Variants in ARHGAP32 observed in about 807,000 individuals in gnomAD.
The protein encoded by ARHGAP32 is rho GTPase-activating protein 32.
ARHGAP32 carries 51 observed loss-of-function variants against 186.5 expected under a neutral mutation model. That is an observed-to-expected ratio of 0.27 (90% CI 0.22 to 0.35). The LOEUF (loss-of-function observed/expected upper bound fraction) is 0.35. ARHGAP32 is among the 10% of genes least tolerant of loss of function. The pLI, the probability that ARHGAP32 is intolerant of heterozygous loss-of-function variation, is 1.00. For synonymous variants in ARHGAP32, 950 were observed against 964.3 expected, an observed-to-expected ratio of 0.99 and a Z score of 0.27; for missense variants, 2,186 against 2,623.5, an observed-to-expected ratio of 0.83 and a Z score of 3.64.
Position 128,970,461 on chromosome 11 carries a change from G to A in ARHGAP32, c.4752C>T (p.Tyr1584=). 4 of 1,614,186 alleles carry A rather than the reference G, an allele frequency of 2.5e-6. No homozygotes were observed. Among genetic ancestry groups the A allele is most frequent in the Non-Finnish European group, 3.4e-6 (4 of 1,180,038 alleles). ...TAGGGTACGGTGGAATGTCTTCGGG[G>A]TAACAGGTATTCCTGACAGAGGAGC... is the stretch of plus-strand genomic sequence containing the variant. The part of the protein sequence containing the change: ...SLSSSVRNTC[Y]PEDIPPYPTI... The change falls in exon 23 of 23, where the codon TAC becomes TAT. Residue 1584 remains tyrosine (Y), a synonymous_variant. Transcript: ENST00000682385. The surrounding 1 kb of genome is among the most constrained non-coding windows in gnomAD (Gnocchi z 5.8).
At chr11:129,058,386 TTA>T (rs1394196604) in intron 10 of ARHGAP32, among the ~76,000 whole-genome samples, 1 of 152,170 alleles carries the variant, frequency 6.6e-6, no homozygotes, top group Non-Finnish European at 1.5e-5. Context: ...TAGAGAAATT[TTA>T]TAACTCTAGA....
intron 1 of ARHGAP32, among the ~76,000 whole-genome samples, chr11:129,238,532 T>A (rs1367125932): frequency 1.3e-5 from 2 of 152,142 alleles, no homozygotes; most frequent in Non-Finnish European, 2.9e-5. Context: ...TCTTATACAC[T>A]TAAGATTATT....
intron 2 of ARHGAP32, among the ~76,000 whole-genome samples, chr11:129,141,463 G>A (rs1943050813): frequency 6.6e-6 from 1 of 151,946 alleles, no homozygotes; most frequent in African/African-American, 2.4e-5. Flanking sequence ...CAGACACCGG[G>A]GCCTGTCATG....
At chr11:129,155,348 A>G (rs1943377225) in intron 2 of ARHGAP32, among the ~76,000 whole-genome samples, 2 of 152,252 alleles carry the variant, frequency 1.3e-5, no homozygotes, top group South Asian at 4.1e-4. Context: ...TTTGAGTGTC[A>G]TACTTTTAAG....
intron 5 of ARHGAP32, among the ~76,000 whole-genome samples, chr11:129,108,271 A>G (rs1942105424): frequency 6.6e-6 from 1 of 152,194 alleles, no homozygotes. Context: ...CTTTAGAGCC[A>G]AAGATACAAA....
chr11:128,973,746 C>T, intron 21 of ARHGAP32: 3 of 527,040 alleles, frequency 5.7e-6, no homozygotes, highest in Non-Finnish European at 6.7e-6. Flanking sequence ...TGCTTGTAGA[C>T]TGTTATTATG....
chr11:129,120,109 A>T (rs920507947), intron 5 of ARHGAP32, among the ~76,000 whole-genome samples: 3 of 152,092 alleles, frequency 2.0e-5, no homozygotes, highest in Admixed American at 6.6e-5. Flanking sequence ...TCCCCAAAAG[A>T]CAATGCTTTA....
At chr11:129,232,179 G>C (rs997856322) in intron 1 of ARHGAP32, among the ~76,000 whole-genome samples, 1 of 152,008 alleles carries the variant, frequency 6.6e-6, no homozygotes, top group Non-Finnish European at 1.5e-5. Context: ...CATAGAGTTT[G>C]AGAACCACAC....
chr11:129,124,844 C>A lies in ARHGAP32; in HGVS notation c.276G>T (p.Thr92=), dbSNP rs76444326. 2.5e-6 allele frequency: 4 copies of A among 1,611,010 alleles called. No homozygotes were observed. Among genetic ancestry groups the A allele is most frequent in the Non-Finnish European group, 3.4e-6 (4 of 1,178,562 alleles). ...PEIPGDLTLK[T]CGSTASMKVK... is the part of the protein sequence containing the mutation. ...CCTTCATACTGGCTGTACTGCCACACGTCTTAAGAGTAAGATCTCCAGGAA... is the reference window on the plus strand; with the variant it reads ...CCTTCATACTGGCTGTACTGCCACAAGTCTTAAGAGTAAGATCTCCAGGAA... The change falls in exon 3 of 23, where the codon ACG becomes ACT. Residue 92 remains threonine (T), a synonymous_variant. Coordinates refer to ENST00000682385, the MANE Select transcript of ARHGAP32 (RefSeq NM_001378024.1).
chr11:129,155,687 A>T (rs1355092206), intron 2 of ARHGAP32, among the ~76,000 whole-genome samples: 1 of 150,406 alleles, frequency 6.6e-6, no homozygotes, highest in East Asian at 1.9e-4. Context: ...TTGCAGCAGT[A>T]AAAGAAATGT....
At chr11:129,042,547 AT>A (rs552321654) in intron 10 of ARHGAP32, among the ~76,000 whole-genome samples, 33 of 151,144 alleles carry the variant, frequency 2.2e-4, no homozygotes, top group African/African-American at 9.7e-5. Context: ...AAAAATCTTC[AT>A]TTTTTTTTCT....
chr11:129,054,753 C>G (rs1940184506), intron 10 of ARHGAP32, among the ~76,000 whole-genome samples: 1 of 152,054 alleles, frequency 6.6e-6, no homozygotes, highest in Non-Finnish European at 1.5e-5. Flanking sequence ...ATACCTCAGA[C>G]AACAAAGATG....
intron 6 of ARHGAP32, among the ~76,000 whole-genome samples, chr11:129,077,012 G>A (rs966750823): frequency 1.3e-5 from 2 of 152,194 alleles, no homozygotes; most frequent in Non-Finnish European, 2.9e-5. Context: ...GATCATGGAA[G>A]AAAGATTTAA....
intron 2 of ARHGAP32, chr11:129,126,047 C>T (rs1402862138): frequency 2.3e-6 from 1 of 437,152 alleles, no homozygotes; most frequent in Non-Finnish European, 4.5e-6. Context: ...CTTCATAATC[C>T]TAGGTATTAT....
chr11:129,095,510 TGA>T lies in ARHGAP32; in HGVS notation c.445-1805_445-1804del, dbSNP rs34664421. 7.4e-3 allele frequency among the ~76,000 whole-genome samples: 1,124 copies of T among 152,222 alleles called. 12 individuals are homozygous for T. Among genetic ancestry groups the T allele is most frequent in the African/African-American group, 0.026 (1,059 of 41,506 alleles). ...CAAGGCTGCAGGAGAGGAAGAGAAC[TGA>T]GAGAATGAACCTGTGAAGTATGGGA... On this transcript the variant is annotated intron_variant, in intron 5 of 22. Coordinates refer to ENST00000682385, the MANE Select transcript of ARHGAP32 (RefSeq NM_001378024.1).
intron 10 of ARHGAP32, among the ~76,000 whole-genome samples, chr11:129,055,285 A>T (rs762978755): frequency 1.3e-5 from 2 of 152,180 alleles, no homozygotes; most frequent in African/African-American, 4.8e-5. Flanking sequence ...GCAATTATCA[A>T]ATGTTGGTGA....
chr11:129,147,525 T>C (rs1943191109), intron 2 of ARHGAP32, among the ~76,000 whole-genome samples: 1 of 152,186 alleles, frequency 6.6e-6, no homozygotes, highest in South Asian at 2.1e-4. Context: ...CATAGGCGTA[T>C]GGGATTTTGT....
At chr11:129,008,998 A>T (rs1937935261) in intron 11 of ARHGAP32, among the ~76,000 whole-genome samples, 1 of 152,226 alleles carries the variant, frequency 6.6e-6, no homozygotes, top group Non-Finnish European at 1.5e-5. Flanking sequence ...ATTTTTAGAC[A>T]TCTTCCATAT....
chr11:129,164,557 T>G, intron 1 of ARHGAP32, 130 bp from the exon 2 acceptor site: 1 of 592,044 alleles, frequency 1.7e-6, no homozygotes, highest in East Asian at 2.8e-5. Flanking sequence ...CTTAACTGAA[T>G]AGCAGTGATC....
Sources: allele counts gnomAD v4.1 joint callset (sites outside exome capture counted in the v4.1 genomes callset), GRCh38; gene constraint gnomAD v4.1.1; non-coding constraint Gnocchi (gnomAD v3.1); transcripts MANE v1.5; gene names NCBI Gene and HGNC (gene_info 2026-07-23, HGNC 2026-07-21).